TNNT2: variants seen among roughly 807,000 people sequenced by gnomAD.
The protein encoded by TNNT2 is troponin T2, cardiac type.
In TNNT2, 34 loss-of-function variants were observed where a neutral mutation model predicts 62.4. The observed-to-expected ratio is 0.54, with a 90% CI of 0.41 to 0.72. The LOEUF (loss-of-function observed/expected upper bound fraction) is 0.72. Ranked by LOEUF, TNNT2 falls within the 30% of genes least tolerant of loss-of-function variation. TNNT2 has a pLI of 0.00. For synonymous variants in TNNT2, 123 were observed against 127.2 expected (o/e 0.97, Z 0.22); for missense variants, 275 against 381.9 (o/e 0.72, Z 2.33).
At chr1:201,366,050 C>A in intron 8 of TNNT2, 1 of 1,162,156 alleles carries the variant, frequency 8.6e-7, no homozygotes, top group South Asian at 2.0e-5. Context: ...GTGGACCCCG[C>A]AGAAACTGGC....
At chr1:201,360,971 G>T in intron 15 of TNNT2, 1 of 438,278 alleles carries the variant, frequency 2.3e-6, no homozygotes, top group South Asian at 2.1e-5. Flanking sequence ...GGTGCATCCT[G>T]GTCCTTGTAA....
chr1:201,368,015 T>C, intron 6 of TNNT2, 147 bp downstream of exon 6: 2 of 1,002,150 alleles, frequency 2.0e-6, no homozygotes, highest in South Asian at 1.3e-5. Context: ...GTTTGTTGAT[T>C]GGGCAATCAA....
intron 7 of TNNT2, chr1:201,367,152 G>A (rs1659815486): frequency 1.8e-6 from 1 of 560,242 alleles, no homozygotes; most frequent in Non-Finnish European, 3.2e-6. Context: ...TCTGGGCAAA[G>A]CAATTTTGCT....
At chr1:201,359,590 G>A (rs575803809) in intron 16 of TNNT2, 33 bp downstream of exon 16, 4 of 1,590,008 alleles carry the variant, frequency 2.5e-6, no homozygotes, top group African/African-American at 2.7e-5. Flanking sequence ...GGGGCAGGGG[G>A]AGGGCTAGGC....
At chr1:201,370,125 C>A (rs1009883708) in intron 4 of TNNT2, among the ~76,000 whole-genome samples, 44 of 152,328 alleles carry the variant, frequency 2.9e-4, no homozygotes, top group African/African-American at 9.6e-4. Context: ...CATAGAGCGC[C>A]CAGCAGGTGC....
chr1:201,364,817 G>T (rs559321629), intron 10 of TNNT2, among the ~76,000 whole-genome samples: 3 of 152,306 alleles, frequency 2.0e-5, no homozygotes, highest in Admixed American at 2.0e-4. Flanking sequence ...GAAGGATGTG[G>T]GATTCTGCAG....
At chr1:201,368,591 T>A (rs1409246847) in intron 5 of TNNT2, among the ~76,000 whole-genome samples, 2 of 152,186 alleles carry the variant, frequency 1.3e-5, no homozygotes, top group Non-Finnish European at 2.9e-5. Context: ...ACACCCTCAA[T>A]CCACATCTCA....
At position 201,373,257 on chromosome 1, in the gene TNNT2, T is replaced by C. The variant is rs752977897; in HGVS notation, c.-3A>G. On this transcript the variant is annotated 5_prime_UTR_variant, in exon 2 of 17. Coordinates refer to ENST00000656932, the MANE Select transcript of TNNT2 (RefSeq NM_001276345.2). ...ACCACCTCTTCTATGTCAGACATGG[T>C]CTCTGCTCTCCCTCCAAAAGGAGAA... is the stretch of plus-strand genomic sequence containing the variant. 1.7e-5 allele frequency: 28 copies of C among 1,613,918 alleles called. No individual in the cohort carries two copies. The highest frequency in any genetic ancestry group is 6.7e-5 in the Admixed American group (4 of 59,996).
At chr1:201,359,571 G>A in intron 16 of TNNT2, 52 bp downstream of exon 16, 1 of 1,542,042 alleles carries the variant, frequency 6.5e-7, no homozygotes, top group Non-Finnish European at 8.9e-7. Flanking sequence ...CTGGAAGGTA[G>A]GGAAGGAGGG....
intron 7 of TNNT2, 182 bp downstream of exon 7, chr1:201,367,589 G>T: frequency 1.4e-6 from 1 of 726,038 alleles, no homozygotes. Context: ...TCTGGGAGAA[G>T]GGGCAAAGTT....
intron 1 of TNNT2, among the ~76,000 whole-genome samples, chr1:201,375,635 T>C (rs1236738251): frequency 2.0e-5 from 3 of 152,168 alleles, no homozygotes; most frequent in Non-Finnish European, 4.4e-5. Context: ...TGGGTGGGGC[T>C]GACAATTGTT....
chr1:201,372,260 C>G, intron 2 of TNNT2, 105 bp from the exon 3 acceptor site: 1 of 1,544,872 alleles, frequency 6.5e-7, no homozygotes, highest in African/African-American at 1.4e-5. Context: ...AGATAATCCC[C>G]CTTTCTTTTC....
intron 14 of TNNT2, among the ~76,000 whole-genome samples, 173 bp from the exon 15 acceptor site, chr1:201,361,542 G>A (rs1658641394): frequency 6.6e-6 from 1 of 152,214 alleles, no homozygotes; most frequent in Admixed American, 6.5e-5. Flanking sequence ...CCAGACGGCA[G>A]CACCCAGTGC....
At chr1:201,375,780 C>T (rs12563114) in intron 1 of TNNT2, among the ~76,000 whole-genome samples, 11,342 of 152,238 alleles carry the variant, frequency 0.075, 849 homozygotes, top group African/African-American at 0.19. Context: ...CCAGCCTGGG[C>T]GCATAGCTTC....
At chr1:201,368,355 G>A (rs943193497) in intron 5 of TNNT2, 128 bp from the exon 6 acceptor site, 2 of 969,842 alleles carry the variant, frequency 2.1e-6, no homozygotes, top group Non-Finnish European at 3.2e-6. Context: ...GATGAATTTG[G>A]GGGCAACCAA....
At position 201,359,717 on chromosome 1, in the gene TNNT2, T is replaced by C. The variant is rs1571590991; in HGVS notation, c.811-54A>G. On this transcript the variant is annotated intron_variant, in intron 15 of 16. Coordinates refer to ENST00000656932, the MANE Select transcript of TNNT2 (RefSeq NM_001276345.2). ...CAACGCTGGAGCTGACTGGCTCAGG[T>C]CCCAGGTGGCCTGGGGATGGGGAGA... 8 of 1,536,574 alleles carry C rather than the reference T, an allele frequency of 5.2e-6. No individual in the cohort carries two copies. The East Asian group carries it at 1.9e-4, about 37-fold the overall frequency.
At chr1:201,374,250 A>T (rs1325799044) in intron 1 of TNNT2, 2 of 119,702 alleles carry the variant, frequency 1.7e-5, no homozygotes, top group Non-Finnish European at 3.4e-5. Context: ...GTCTTTAATT[A>T]TGTCAATGAA....
chr1:201,376,480 C>A (rs1474385298), intron 1 of TNNT2, among the ~76,000 whole-genome samples: 1 of 152,104 alleles, frequency 6.6e-6, no homozygotes, highest in Non-Finnish European at 1.5e-5. Flanking sequence ...AGCTGTTAGC[C>A]CACCAGGAGA....
intron 4 of TNNT2, 89 bp from the exon 5 acceptor site, chr1:201,369,934 G>A (rs1660371546): frequency 1.4e-6 from 2 of 1,478,788 alleles, no homozygotes; most frequent in African/African-American, 2.8e-5. Context: ...CAGCCACCCA[G>A]CGCAGTGGTT....
Sources: allele counts gnomAD v4.1 joint callset (sites outside exome capture counted in the v4.1 genomes callset), GRCh38; gene constraint gnomAD v4.1.1; transcripts MANE v1.5; gene names NCBI Gene and HGNC (gene_info 2026-07-23, HGNC 2026-07-21).